Variants in NDUFA10 observed in about 807,000 individuals in gnomAD.
The protein encoded by NDUFA10 is NADH:ubiquinone oxidoreductase subunit A10.
Under a neutral mutation model 47.8 loss-of-function variants are expected in NDUFA10, and 40 were observed. The observed-to-expected ratio is 0.84, with a 90% CI of 0.65 to 1.09. The LOEUF is 1.09. Ranked by LOEUF, NDUFA10 falls within the 50% of genes least tolerant of loss-of-function variation. The pLI, the probability that NDUFA10 is intolerant of heterozygous loss-of-function variation, is 0.00. For synonymous variants in NDUFA10, 183 were observed against 172.2 expected (o/e 1.06, Z -0.49); for missense variants, 413 against 451.1 (o/e 0.92, Z 0.76).
chr2:239,936,773 C>T (rs561332635), intron 4 of NDUFA10, among the ~76,000 whole-genome samples: 52 of 152,228 alleles, frequency 3.4e-4, no homozygotes, highest in African/African-American at 1.2e-3. Context: ...GCCAACATGG[C>T]GAAACCCTGT....
At chr2:239,965,713 C>A (rs941473681) in intron 9 of NDUFA10, among the ~76,000 whole-genome samples, 1 of 152,210 alleles carries the variant, frequency 6.6e-6, no homozygotes, top group African/African-American at 2.4e-5. Context: ...AAAAGAAAAT[C>A]ATTTTCCTCC....
At position 239,990,084 on chromosome 2, in the gene NDUFA10, T is replaced by C; in HGVS notation, c.989A>G (p.Gln330Arg). 1.9e-6 allele frequency: 3 copies of C among 1,607,032 alleles called. No homozygotes were observed. Among genetic ancestry groups the C allele is most frequent in the Non-Finnish European group, 1.7e-6 (2 of 1,173,532 alleles). ...TTTCCACAGTCTTACCTCTCTGAAC[T>C]GATGTAAGACACGGTCAGTCTGATG... is the stretch of plus-strand genomic sequence containing the variant. Reference protein sequence around the residue: ...GAHQTDRVLHQFRELPGRKYS... With the variant: ...GAHQTDRVLHRFRELPGRKYS... The change falls in exon 9 of 10, where the codon CAG becomes CGG. Residue 330 changes from glutamine (Q) to arginine (R), a missense_variant. Gln to Arg is a conservative substitution (Grantham distance 43). Transcript: ENST00000252711.
chr2:239,956,221 G>A (rs1694649869), downstream of NDUFA10, among the ~76,000 whole-genome samples: 1 of 152,162 alleles, frequency 6.6e-6, no homozygotes. Context: ...CTTGGAGGTG[G>A]GGCCGGTCAT....
chr2:239,945,777 C>T lies in NDUFA10; in HGVS notation c.294+44297G>A, dbSNP rs1018842172. ...AGTGCTGCAGCTCAACCAGGCATCA[C>T]GGCCAAACGTGCAGAGTGGACCACT... On this transcript the variant is annotated intron_variant, in intron 4 of 5. Transcript: ENST00000419408. This position sits in a 1 kb window ranked among gnomAD's most constrained non-coding sequence, Gnocchi z 4.6. 5.3e-5 allele frequency among the ~76,000 whole-genome samples: 8 copies of T among 152,220 alleles called. No homozygotes were observed. Among genetic ancestry groups the T allele is most frequent in the Non-Finnish European group, 8.8e-5 (6 of 68,042 alleles).
intron 3 of NDUFA10, among the ~76,000 whole-genome samples, chr2:240,020,319 A>T (rs1382780908): frequency 1.3e-5 from 2 of 152,168 alleles, no homozygotes; most frequent in East Asian, 3.9e-4. Context: ...TATAAAACAG[A>T]CACGAAGGCC....
Position 240,005,256 on chromosome 2 carries a change from G to C in NDUFA10, c.844C>G (p.Pro282Ala). The stretch of plus-strand genomic sequence containing the variant: ...GTGCGATTGTCCTGCTTGAGCCACG[G>C]CCCTTTATCGAACTTCAGGTATTCA... ...DIEYLKFDKG[P>A]WLKQDNRTLY... The change falls in exon 8 of 10, where the codon CCG (proline) becomes GCG (alanine). Residue 282 changes from proline (P) to alanine (A), a missense_variant. Physicochemically the swap from Pro to Ala is conservative, Grantham distance 27 (BLOSUM62 -1). Transcript: ENST00000252711. 2.5e-6 allele frequency: 4 copies of C among 1,614,104 alleles called. No homozygotes were observed. Among genetic ancestry groups the C allele is most frequent in the Non-Finnish European group, 3.4e-6 (4 of 1,179,990 alleles).
chr2:239,968,036 CCTT>C (rs1559331182), intron 9 of NDUFA10, among the ~76,000 whole-genome samples: 2 of 150,364 alleles, frequency 1.3e-5, no homozygotes, highest in African/African-American at 4.9e-5. Flanking sequence ...GGAGGAAACT[CCTT>C]CTACTGGTGA....
chr2:239,960,091 G>T lies in NDUFA10; in HGVS notation c.*1027C>A. 1 of 985,380 alleles carries T rather than the reference G, an allele frequency of 1.0e-6. No individual in the cohort carries two copies. The highest frequency in any genetic ancestry group is 1.2e-6 in the Non-Finnish European group (1 of 829,926). 61.0% of individuals were successfully genotyped at this position (985,380 alleles called of 1,614,324 possible). Reference sequence around the variant, plus strand: ...ATTTAAATTTCAATACCCACATGTGGCTAGGAGCTACCATATTGGACACAG... The same window carrying T: ...ATTTAAATTTCAATACCCACATGTGTCTAGGAGCTACCATATTGGACACAG... On this transcript the variant is annotated 3_prime_UTR_variant, in exon 10 of 10. Coordinates refer to ENST00000252711, the MANE Select transcript of NDUFA10 (RefSeq NM_004544.4).
intron 9 of NDUFA10, among the ~76,000 whole-genome samples, chr2:239,979,611 T>C (rs925667149): frequency 5.3e-5 from 8 of 152,142 alleles, no homozygotes; most frequent in African/African-American, 1.4e-4. Context: ...CAGTGCCTAC[T>C]CTCAGCGCCC....
chr2:239,967,979 T>TACACACAC (rs61166045), intron 9 of NDUFA10, among the ~76,000 whole-genome samples: 8,705 of 147,394 alleles, frequency 0.059, 318 homozygotes, highest in African/African-American at 0.095. Flanking sequence ...GAAAAAAATA[T>TACACACAC]ACACACACAC....
rs1697357143 is a variant in NDUFA10 at position 240,016,547 on chromosome 2, C to T, written c.548-1687G>A. 1.3e-5 allele frequency among the ~76,000 whole-genome samples: 2 copies of T among 152,188 alleles called. No homozygotes were observed. Among genetic ancestry groups the T allele is most frequent in the Admixed American group, 1.3e-4 (2 of 15,288 alleles). On this transcript the variant is annotated intron_variant, in intron 4 of 9. Transcript: ENST00000252711. The surrounding 1 kb of genome is among the most constrained non-coding windows in gnomAD (Gnocchi z 4.4). ...GAAAGGTGAAACGTGACAGTCACTTCTCAGTTCCCATCAGAGTCACAGCAC... is the reference window on the plus strand; with the variant it reads ...GAAAGGTGAAACGTGACAGTCACTTTTCAGTTCCCATCAGAGTCACAGCAC...
chr2:239,960,008 TG>T lies in NDUFA10; in HGVS notation c.*1109del, dbSNP rs1694784939. The T allele has an allele frequency of 1.0e-6, 1 of 984,842 alleles. No individual in the cohort carries two copies. The highest frequency in any genetic ancestry group is 1.2e-6 in the Non-Finnish European group (1 of 829,358). 61.0% of individuals were successfully genotyped at this position (984,842 alleles called of 1,614,324 possible). A position where few individuals can be genotyped will look rare whatever the true frequency, so the allele number is the denominator to read the frequency against. ...TGCCCACAGGCGGCTGTGGAGTGCCTGAACTATGGCCAGTGCAACCAAGGAA... is the reference window on the plus strand; with the variant it reads ...TGCCCACAGGCGGCTGTGGAGTGCCTAACTATGGCCAGTGCAACCAAGGAA... On this transcript the variant is annotated 3_prime_UTR_variant, in exon 10 of 10. Transcript: ENST00000252711.
chr2:239,900,157 G>A (rs528772971), intron 4 of NDUFA10, among the ~76,000 whole-genome samples: 4 of 152,066 alleles, frequency 2.6e-5, no homozygotes, highest in Non-Finnish European at 4.4e-5. Context: ...GGTTTGCCAG[G>A]GGGTCTCGGG....
intron 9 of NDUFA10, among the ~76,000 whole-genome samples, chr2:239,972,868 T>G (rs1473323736): frequency 9.9e-5 from 15 of 152,184 alleles, no homozygotes; most frequent in Non-Finnish European, 1.8e-4. Flanking sequence ...TTCTAAAAAT[T>G]CTAAAGTAAA....
At chr2:239,905,167 C>T (rs561476121) in intron 4 of NDUFA10, among the ~76,000 whole-genome samples, 111 of 152,270 alleles carry the variant, frequency 7.3e-4, no homozygotes, top group Non-Finnish European at 9.7e-4. Context: ...GGGGGTTGAA[C>T]GCAATGTGTG....
chr2:240,007,185 A>C, intron 7 of NDUFA10, 131 bp downstream of exon 7: 1 of 732,120 alleles, frequency 1.4e-6, no homozygotes, highest in Admixed American at 2.1e-5. Flanking sequence ...TTTGACTGGC[A>C]CTGCTTTCAG....
chr2:240,018,182 C>G (rs1429508331), intron 4 of NDUFA10, among the ~76,000 whole-genome samples: 2 of 152,200 alleles, frequency 1.3e-5, no homozygotes, highest in East Asian at 1.9e-4. Flanking sequence ...TCATCAAAAT[C>G]ACACACTAGA....
chr2:239,912,693 C>A (rs1019423922), intron 4 of NDUFA10, among the ~76,000 whole-genome samples: 2 of 152,140 alleles, frequency 1.3e-5, no homozygotes, highest in African/African-American at 4.8e-5. Context: ...CCACACATAC[C>A]CCTATCCCTG....
chr2:239,903,691 C>T (rs115258498), intron 4 of NDUFA10, among the ~76,000 whole-genome samples: 3,139 of 152,294 alleles, frequency 0.021, 115 homozygotes, highest in African/African-American at 0.071. Flanking sequence ...AAATGTGTCC[C>T]GGCTCTGCCA....
Sources: gnomAD v4.1 joint callset for allele counts (sites outside exome capture counted in the v4.1 genomes callset) on GRCh38, gnomAD v4.1.1 for gene constraint, Gnocchi (gnomAD v3.1) non-coding constraint, MANE v1.5 for transcripts, NCBI Gene and HGNC (gene_info 2026-07-23, HGNC 2026-07-21) for gene names.